Variants in IQGAP3 observed in about 807,000 individuals in gnomAD.
IQGAP3 encodes the protein IQ motif containing GTPase activating protein 3.
IQGAP3 carries 165 observed loss-of-function variants against 208.2 expected under a neutral mutation model. The observed-to-expected ratio is 0.79, with a 90% CI of 0.70 to 0.90. IQGAP3 has a LOEUF of 0.90. IQGAP3 is among the 40% of genes least tolerant of loss of function. IQGAP3 has a pLI of 0.00. For missense variants in IQGAP3, 1,811 were observed against 2,043.1 expected, an observed-to-expected ratio of 0.89 and a Z score of 2.19; for synonymous variants, 703 against 803.6, an observed-to-expected ratio of 0.87 and a Z score of 2.12.
chr1:156,566,863 T>G (rs1174202924), intron 2 of IQGAP3, among the ~76,000 whole-genome samples: 1 of 150,452 alleles, frequency 6.6e-6, no homozygotes, highest in Non-Finnish European at 1.5e-5. Context: ...GTTACATGCT[T>G]TTTTTTTTTT....
At chr1:156,544,666 C>G (rs1050873729) in intron 19 of IQGAP3, among the ~76,000 whole-genome samples, 194 bp from the exon 20 acceptor site, 1 of 152,150 alleles carries the variant, frequency 6.6e-6, no homozygotes, top group African/African-American at 2.4e-5. Context: ...ACATAGCCAA[C>G]AATGCCCTCT....
chr1:156,531,330 A>ACTCTC, intron 32 of IQGAP3, 83 bp from the exon 33 acceptor site: 1 of 1,001,690 alleles, frequency 1.0e-6, no homozygotes, highest in Non-Finnish European at 1.6e-6. Flanking sequence ...GTCTGAGAGT[A>ACTCTC]AGTGGACCGT....
Position 156,552,144 on chromosome 1 carries a change from G to C in IQGAP3, c.1449-49C>G, listed in dbSNP as rs114598479. 9.7e-4 allele frequency: 1,543 copies of C among 1,597,802 alleles called. 14 individuals carry two copies. In the African/African-American group the frequency reaches 0.019, roughly 19 times the overall value. On this transcript the variant is annotated intron_variant, in intron 13 of 37. Transcript: ENST00000361170. ...GAGGTGAGTAGCATGTGAATCATCA[G>C]CCAGAAGTCAGGGGAAACAGTTGAA...
chr1:156,527,830 G>T, intron 37 of IQGAP3, 122 bp downstream of exon 37: 1 of 666,510 alleles, frequency 1.5e-6, no homozygotes, highest in South Asian at 1.8e-5. Context: ...AGACGATACT[G>T]ATTGGGTGAA....
intron 5 of IQGAP3, 31 bp downstream of exon 5, chr1:156,564,580 GAGGA>G (rs1676314912): frequency 7.1e-7 from 1 of 1,408,432 alleles, no homozygotes; most frequent in Non-Finnish European, 1.0e-6. Context: ...CATCCACCTA[GAGGA>G]ACCTGGATGA....
chr1:156,546,910 T>A (rs1048072247), intron 19 of IQGAP3, among the ~76,000 whole-genome samples: 13 of 152,200 alleles, frequency 8.5e-5, no homozygotes, highest in Non-Finnish European at 4.4e-5. Flanking sequence ...ATGTCTGACA[T>A]CAAGTGTACT....
rs201120767 is a variant in IQGAP3 at position 156,533,733 on chromosome 1, G to C, written c.3976+40C>G. 2.9e-3 allele frequency: 4,478 copies of C among 1,536,902 alleles called. 15 individuals are homozygous for C. The highest frequency in any genetic ancestry group is 3.4e-3 in the Non-Finnish European group (3,777 of 1,115,450). Reference sequence around the variant, plus strand: ...GCCTGCCTGTCCCTCCCTCCATGCAGGTCCCCTAGCTGGCCTCAGCTGCTA... The same window carrying C: ...GCCTGCCTGTCCCTCCCTCCATGCACGTCCCCTAGCTGGCCTCAGCTGCTA... On this transcript the variant is annotated intron_variant, in intron 31 of 37. Transcript: ENST00000361170.
Position 156,548,762 on chromosome 1 carries a change from C to A in IQGAP3, c.1826-14G>T. On this transcript the variant is annotated splice_polypyrimidine_tract_variant and intron_variant, in intron 16 of 37. Transcript: ENST00000361170. ...CACCAAGAGCCACTGACAGGGGCAT[C>A]AGGAGAGAGCAGTCAATCCTTCCCC... The A allele has an allele frequency of 6.5e-7, 1 of 1,542,712 alleles. No individual in the cohort carries two copies. The highest frequency in any genetic ancestry group is 8.7e-7 in the Non-Finnish European group (1 of 1,144,114).
rs1676160817 is a variant in IQGAP3 at position 156,561,798 on chromosome 1, G to C, written c.1041+40C>G. Reference sequence around the variant, plus strand: ...GTAAGAGGCCCTCTCCTATCCTATAGTCACATACAGGGGGTGGCAGGTAAT... The same window carrying C: ...GTAAGAGGCCCTCTCCTATCCTATACTCACATACAGGGGGTGGCAGGTAAT... On this transcript the variant is annotated intron_variant, in intron 10 of 37. Transcript: ENST00000361170. 3.1e-6 allele frequency: 5 copies of C among 1,600,100 alleles called. No individual in the cohort carries two copies. The East Asian group carries it at 8.9e-5, about 29-fold the overall frequency.
Position 156,539,928 on chromosome 1 carries a change from C to T in IQGAP3, c.2802G>A (p.Met934Ile). 3 of 1,614,128 alleles carry T rather than the reference C, an allele frequency of 1.9e-6. No homozygotes were observed. Among genetic ancestry groups the T allele is most frequent in the Non-Finnish European group, 2.5e-6 (3 of 1,180,018 alleles). Residue 934 changes from methionine to isoleucine, a missense_variant, in exon 24 of 38, where the codon ATG (methionine) becomes ATA (isoleucine). Transcript: ENST00000361170. ...KRNKEQLSDM[M>I]VLDKQKGLKS... ...TTAAACCCTTCTGCTTGTCCAGAAC[C>T]ATCATATCTGACAGCTGTTCCTTAT...
intron 2 of IQGAP3, 135 bp from the exon 3 acceptor site, chr1:156,566,681 A>C: frequency 1.2e-6 from 1 of 827,064 alleles, no homozygotes; most frequent in Non-Finnish European, 1.9e-6. Context: ...CTCTACCTCC[A>C]ACTCCCTTCT....
At chr1:156,565,516 C>T (rs530748292) in intron 4 of IQGAP3, among the ~76,000 whole-genome samples, 1 of 152,318 alleles carries the variant, frequency 6.6e-6, no homozygotes, top group African/African-American at 2.4e-5. Flanking sequence ...CTTCACAGTT[C>T]ACAAAGGGAG....
At position 156,539,363 on chromosome 1, in the gene IQGAP3, G is replaced by C. The variant is rs1571323714; in HGVS notation, c.3056+11C>G. On this transcript the variant is annotated intron_variant, in intron 25 of 37. Coordinates refer to ENST00000361170, the MANE Select transcript of IQGAP3 (RefSeq NM_178229.5). ...ATTCTCTCCCCATTCCTTTGTGTCT[G>C]GAGAGCCTACTTGATTTCCTCCTGG... 1 of 1,612,364 alleles carries C rather than the reference G, an allele frequency of 6.2e-7. No homozygotes were observed. The highest frequency in any genetic ancestry group is 1.1e-5 in the South Asian group (1 of 90,914).
In IQGAP3 at chr1:156,555,434, C is replaced by T. The variant is rs569940336; in HGVS notation, c.1291-1042G>A. Among the ~76,000 whole-genome samples the T allele has an allele frequency of 1.2e-4, 19 of 152,252 alleles. No individual in the cohort carries two copies. In the South Asian group the frequency reaches 3.3e-3, roughly 27 times the overall value. ...AGAGATGGGGTTTCGCCATGTTGGC[C>T]AGGCTGGTCTCAAACTCCTGGCCTC... On this transcript the variant is annotated intron_variant, in intron 12 of 37. Coordinates refer to ENST00000361170, the MANE Select transcript of IQGAP3 (RefSeq NM_178229.5).
chr1:156,529,398 C>A (rs930017558), intron 34 of IQGAP3, among the ~76,000 whole-genome samples: 5 of 152,024 alleles, frequency 3.3e-5, no homozygotes, highest in African/African-American at 1.2e-4. Flanking sequence ...TTCTCTCAAA[C>A]CTTCTGACCT....
intron 15 of IQGAP3, 80 bp downstream of exon 15, chr1:156,551,625 T>C: frequency 7.1e-7 from 1 of 1,408,976 alleles, no homozygotes; most frequent in Admixed American, 2.3e-5. Context: ...AGAATAGAGC[T>C]CTGCCAGACT....
intron 19 of IQGAP3, among the ~76,000 whole-genome samples, chr1:156,547,471 G>A (rs1218892810): frequency 6.6e-6 from 1 of 151,632 alleles, no homozygotes; most frequent in Non-Finnish European, 1.5e-5. Context: ...TGTTGCCCAT[G>A]CTGGAGTGCA....
At chr1:156,571,565 G>T (rs1280018195) in intron 1 of IQGAP3, among the ~76,000 whole-genome samples, 1 of 152,172 alleles carries the variant, frequency 6.6e-6, no homozygotes, top group African/African-American at 2.4e-5. Context: ...AACAAGTGTT[G>T]GTTGTTAAGC....
chr1:156,561,173 G>A (rs924782428), intron 10 of IQGAP3, 152 bp from the exon 11 acceptor site: 4 of 442,738 alleles, frequency 9.0e-6, no homozygotes, highest in South Asian at 5.5e-5. Flanking sequence ...CCTATTAACC[G>A]TTTTTTTTTT....
Sources: allele counts gnomAD v4.1 joint callset (sites outside exome capture counted in the v4.1 genomes callset), GRCh38; gene constraint gnomAD v4.1.1; transcripts MANE v1.5; gene names NCBI Gene and HGNC (gene_info 2026-07-23, HGNC 2026-07-21).